CPD: variants seen among roughly 807,000 people sequenced by gnomAD.
CPD encodes carboxypeptidase D, also known as metallocarboxypeptidase D.
In CPD, 69 loss-of-function variants were observed where a neutral mutation model predicts 138.3. The observed-to-expected ratio is 0.50, with a 90% CI of 0.41 to 0.61. The LOEUF (loss-of-function observed/expected upper bound fraction) is 0.61. Among genes scored for constraint, CPD ranks in the 20% least tolerant of loss-of-function variants. The pLI, the probability that CPD is intolerant of heterozygous loss-of-function variation, is 0.00. For missense variants in CPD, 1,432 were observed against 1,733.3 expected (o/e 0.83, Z 3.09); for synonymous variants, 651 against 642.1 (o/e 1.01, Z -0.21).
chr17:30,442,186 G>A (rs1272176954), intron 9 of CPD, 122 bp from the exon 10 acceptor site: 8 of 808,318 alleles, frequency 9.9e-6, no homozygotes, highest in African/African-American at 6.9e-5. Context: ...ACATGAACAC[G>A]TTAGCTTATC....
intron 11 of CPD, among the ~76,000 whole-genome samples, chr17:30,445,296 C>A (rs566540975): frequency 4.9e-4 from 75 of 152,176 alleles, no homozygotes; most frequent in Middle Eastern, 3.4e-3. Context: ...GAAATCCTGT[C>A]TCTACTAAAA....
rs551621760 is a variant in CPD, at chr17:30,390,005, G to A, written c.994+4769G>A. Among the ~76,000 whole-genome samples the A allele has an allele frequency of 4.6e-5, 7 of 152,022 alleles. No individual in the cohort carries two copies. In the South Asian group the frequency reaches 6.2e-4, roughly 14 times the overall value. On this transcript the variant is annotated intron_variant, in intron 2 of 20. Transcript: ENST00000225719. ...GACTAGGCATATATTCAAAAAACCC[G>A]GATGTCCTGGAGTAATTTTTTTTTT...
chr17:30,395,577 G>A lies in CPD; in HGVS notation c.994+10341G>A, dbSNP rs370059003. Among the ~76,000 whole-genome samples the A allele has an allele frequency of 1.6e-3, 250 of 152,194 alleles. 1 individual carries two copies. The Middle Eastern group carries it at 0.024, about 15-fold the overall frequency. On this transcript the variant is annotated intron_variant, in intron 2 of 20. Coordinates refer to ENST00000225719, the MANE Select transcript of CPD (RefSeq NM_001304.5). ...GCAGTGCAGTTGTGTACTTTGTAACGTGATAATAGGCCTAAATGAAGAGAA... is the reference window on the plus strand; with the variant it reads ...GCAGTGCAGTTGTGTACTTTGTAACATGATAATAGGCCTAAATGAAGAGAA...
At position 30,385,142 on chromosome 17, in the gene CPD, C is replaced by T. The variant is rs997395374; in HGVS notation, c.900C>T (p.Pro300=). The T allele has an allele frequency of 6.8e-6, 11 of 1,613,854 alleles. No individual in the cohort carries two copies. Among genetic ancestry groups the T allele is most frequent in the Non-Finnish European group, 9.3e-6 (11 of 1,179,956 alleles). Residue 300 remains proline, a synonymous_variant, in exon 2 of 21, where the codon CCC becomes CCT. Transcript: ENST00000225719. The part of the protein sequence containing the change: ...YLAKAYASNH[P]IMKTGEPHCP... ...CAAAAGCTTATGCTTCAAACCACCC[C>T]ATAATGAAAACTGGTGAGCCTCATT...
rs141840596 is a variant in CPD at position 30,464,654 on chromosome 17, A to C, written c.3983A>C (p.Asn1328Thr). The part of the protein sequence containing the change: ...IIWCICSIKS[N>T]RHKDGFHRLR... ...TGGTGCATCTGCTCAATCAAGTCTA[A>C]TAGACACAAGGATGGCTTTCATCGG... Residue 1328 changes from asparagine to threonine, a missense_variant, in exon 21 of 21, where the codon AAT becomes ACT. This residue lies in a region of CPD where 366 missense variants were observed against 518.8 expected (regional missense o/e 0.71). Coordinates refer to ENST00000225719, the MANE Select transcript of CPD (RefSeq NM_001304.5). The C allele has an allele frequency of 1.9e-6, 3 of 1,613,862 alleles. No individual in the cohort carries two copies. Among genetic ancestry groups the C allele is most frequent in the African/African-American group, 2.7e-5 (2 of 74,884 alleles).
At chr17:30,448,953 A>T (rs114501271) in intron 12 of CPD, among the ~76,000 whole-genome samples, 4,595 of 151,916 alleles carry the variant, frequency 0.03, 227 homozygotes, top group African/African-American at 0.11. Context: ...AATTTTTTTT[A>T]AAAAATTAGC....
intron 2 of CPD, among the ~76,000 whole-genome samples, chr17:30,385,836 A>C (rs942163646): frequency 4.0e-5 from 6 of 151,440 alleles, no homozygotes; most frequent in Non-Finnish European, 5.9e-5. Context: ...TAATAGTCCT[A>C]TGGAAAAATT....
rs1024794790 is a variant in CPD at position 30,415,150 on chromosome 17, A to G, written c.995-5691A>G. ...CCCTGATTTCTCAAGCCTAAAATCT[A>G]GAAGTCGTCCTTGATTTCTTCCTTC... On this transcript the variant is annotated intron_variant, in intron 2 of 20. Coordinates refer to ENST00000225719, the MANE Select transcript of CPD (RefSeq NM_001304.5). Among the ~76,000 whole-genome samples, 6 of 152,192 alleles carry G rather than the reference A, an allele frequency of 3.9e-5. No individual in the cohort carries two copies. The East Asian group carries it at 7.7e-4, about 20-fold the overall frequency.
At chr17:30,438,916 T>A in intron 8 of CPD, 59 bp from the exon 9 acceptor site, 2 of 1,029,378 alleles carry the variant, frequency 1.9e-6, no homozygotes, top group Non-Finnish European at 2.9e-6. Flanking sequence ...ATCTTTCCAG[T>A]ATTTTTTTTT....
rs1241973560 is a variant in CPD, at chr17:30,469,639, TAAAA to T, written c.*4829_*4832del. ...TTTAGAAGAAATTCTGAGACACAAA[TAAAA>T]AAAGAAATTTTTTATTATGTGGTTC... On this transcript the variant is annotated 3_prime_UTR_variant, in exon 21 of 21. Coordinates refer to ENST00000225719, the MANE Select transcript of CPD (RefSeq NM_001304.5). The T allele has an allele frequency of 2.6e-5, 4 of 152,040 alleles. No homozygotes were observed. The highest frequency in any genetic ancestry group is 5.9e-5 in the Non-Finnish European group (4 of 67,978). The allele number at this position is 152,040 out of a possible 1,614,324, so 9.4% of individuals were successfully genotyped here. A position where few individuals can be genotyped will look rare whatever the true frequency, so the allele number is the denominator to read the frequency against.
intron 12 of CPD, among the ~76,000 whole-genome samples, chr17:30,448,827 G>A (rs962516901): frequency 6.6e-6 from 1 of 151,996 alleles, no homozygotes; most frequent in African/African-American, 2.4e-5. Context: ...GGGAGGGCCA[G>A]GGTGGTGGCG....
chr17:30,387,929 G>A (rs1248844390), intron 2 of CPD, among the ~76,000 whole-genome samples: 2 of 152,196 alleles, frequency 1.3e-5, no homozygotes, highest in South Asian at 2.1e-4. Flanking sequence ...ACAAAGAGGA[G>A]CTTTATTGAG....
intron 2 of CPD, among the ~76,000 whole-genome samples, chr17:30,391,134 T>G (rs1354299164): frequency 1.5e-3 from 1 of 654 alleles, no homozygotes; most frequent in African/African-American, 0.011. Flanking sequence ...CTGGCCGCCT[T>G]TTTTTTTTTT....
rs1434703828 is a variant in CPD at position 30,422,916 on chromosome 17, C to G, written c.1550C>G (p.Ala517Gly). 2.4e-5 allele frequency: 39 copies of G among 1,613,900 alleles called. No homozygotes were observed. The highest frequency in any genetic ancestry group is 3.2e-5 in the Non-Finnish European group (38 of 1,179,940). The change falls in exon 5 of 21, where the codon GCC becomes GGC. Residue 517 changes from alanine to glycine, a missense_variant. By Grantham distance (60) the Ala-to-Gly change is moderately conservative. This residue lies in a region of CPD where 297 missense variants were observed against 405.3 expected (regional missense o/e 0.73). Transcript: ENST00000225719. The part of the protein sequence containing the change: ...PDMEIFLRRF[A>G]NEYPNITRLY... ...ATGGAAATCTTCTTGAGAAGGTTTG[C>G]CAATGAATATCCTAACATTACCCGG...
intron 2 of CPD, among the ~76,000 whole-genome samples, chr17:30,412,944 T>C (rs1912005976): frequency 6.6e-6 from 1 of 152,150 alleles, no homozygotes; most frequent in Non-Finnish European, 1.5e-5. Flanking sequence ...AATGCAGAAA[T>C]CTACCCCTCT....
intron 17 of CPD, among the ~76,000 whole-genome samples, chr17:30,458,558 C>G (rs1237039610): frequency 6.6e-6 from 1 of 152,106 alleles, no homozygotes; most frequent in East Asian, 1.9e-4. Context: ...GCCGCCTATC[C>G]TTGTGTTTTC....
In CPD at chr17:30,468,744, A is replaced by G. The variant is rs1245515011; in HGVS notation, c.*3930A>G. On this transcript the variant is annotated 3_prime_UTR_variant, in exon 21 of 21. Transcript: ENST00000225719. The stretch of plus-strand genomic sequence containing the variant: ...CAGATGCAATATGCCGGAAAAAGTT[A>G]TAGGTCCAGTTTGAAAATTATTTAG... 1 of 152,490 alleles carries G rather than the reference A, an allele frequency of 6.6e-6. No individual in the cohort carries two copies. The highest frequency in any genetic ancestry group is 1.5e-5 in the Non-Finnish European group (1 of 68,022). The allele number at this position is 152,490 out of a possible 1,614,324, so 9.4% of individuals were successfully genotyped here.
chr17:30,412,995 G>T (rs1427941239), intron 2 of CPD, among the ~76,000 whole-genome samples: 2 of 152,118 alleles, frequency 1.3e-5, no homozygotes, highest in African/African-American at 4.8e-5. Context: ...GCTGCAGACC[G>T]GAGCTGTTCC....
At position 30,449,766 on chromosome 17, in the gene CPD, G is replaced by T; in HGVS notation, c.3069+18G>T. On this transcript the variant is annotated intron_variant, in intron 13 of 20. Transcript: ENST00000225719. The stretch of plus-strand genomic sequence containing the variant: ...TTACCCAAGTAAGAGAATAGCCGAG[G>T]TTGACATGCTTTAAAAGGAAAAAGC... 3 of 1,533,798 alleles carry T rather than the reference G, an allele frequency of 2.0e-6. No individual in the cohort carries two copies. The highest frequency in any genetic ancestry group is 1.7e-6 in the Non-Finnish European group (2 of 1,149,090).
Sources: allele counts gnomAD v4.1 joint callset (sites outside exome capture counted in the v4.1 genomes callset), GRCh38; gene constraint gnomAD v4.1.1; regional missense constraint gnomAD v4.1.1; transcripts MANE v1.5; gene names NCBI Gene and HGNC (gene_info 2026-07-23, HGNC 2026-07-21).